The following BNC2 variants were observed in gnomAD, a reference collection of about 807,000 sequenced individuals.
BNC2 encodes the protein basonuclin zinc finger protein 2, also known as zinc finger protein basonuclin-2.
BNC2 carries 20 observed loss-of-function variants against 76.3 expected under a neutral mutation model. The ratio of observed to expected loss-of-function variants is 0.26; its 90% confidence interval spans 0.18 to 0.38. The LOEUF is 0.38. Among genes scored for constraint, BNC2 ranks in the 10% least tolerant of loss-of-function variants. The pLI is 1.00. For synonymous variants in BNC2, 582 were observed against 514.8 expected, an observed-to-expected ratio of 1.13 and a Z score of -1.77; for missense variants, 1,382 against 1,399.8, an observed-to-expected ratio of 0.99 and a Z score of 0.20.
chr9:16,456,292 T>C (rs1186498842), intron 5 of BNC2, among the ~76,000 whole-genome samples: 2 of 152,158 alleles, frequency 1.3e-5, no homozygotes, highest in Admixed American at 6.5e-5. Context: ...CAAATAGACA[T>C]TGCCTATAAA....
At chr9:16,811,189 C>CTCCA (rs1818040636) in intron 1 of BNC2, among the ~76,000 whole-genome samples, 1 of 137,270 alleles carries the variant, frequency 7.3e-6, no homozygotes, top group Admixed American at 8.0e-5. Context: ...TGCCACTGCA[C>CTCCA]TCCAGCCTGG....
rs57325819 is a variant in BNC2, at chr9:16,805,713, G to GCACACACACACACA, written c.3+64919_3+64932dup. ...ACTTACATGTATAATTTGCATACAT[G>GCACACACACACACA]CACACACACACACACACACACACGC... On this transcript the variant is annotated intron_variant, in intron 1 of 6. Transcript: ENST00000380672. Among the ~76,000 whole-genome samples, 30 of 149,218 alleles carry GCACACACACACACA rather than the reference G, an allele frequency of 2.0e-4. No homozygotes were observed. The East Asian group carries it at 5.8e-3, about 29-fold the overall frequency.
intron 3 of BNC2, among the ~76,000 whole-genome samples, chr9:16,649,925 A>T (rs1218529030): frequency 6.6e-6 from 1 of 152,174 alleles, no homozygotes; most frequent in Non-Finnish European, 1.5e-5. Context: ...AATCTTCTGT[A>T]ATCTTGCATT....
At chr9:16,790,816 G>GC (rs1230420227) in intron 1 of BNC2, among the ~76,000 whole-genome samples, 18 of 31,956 alleles carry the variant, frequency 5.6e-4, no homozygotes, top group African/African-American at 1.3e-3. Flanking sequence ...CCCTTGGTAA[G>GC]CTTTTTTTTT....
At chr9:16,630,409 T>C (rs759888749) in intron 3 of BNC2, among the ~76,000 whole-genome samples, 1 of 152,202 alleles carries the variant, frequency 6.6e-6, no homozygotes, top group Non-Finnish European at 1.5e-5. Context: ...GGAAAGATAG[T>C]TACAAAATGT....
intron 5 of BNC2, among the ~76,000 whole-genome samples, chr9:16,487,463 T>C (rs374804891): frequency 1.3e-5 from 2 of 152,318 alleles, no homozygotes; most frequent in African/African-American, 2.4e-5. Context: ...CTCATTTGTT[T>C]CTCTTTTATT....
chr9:16,868,113 A>G (rs1223117219), intron 1 of BNC2: 1 of 152,176 alleles, frequency 6.6e-6, no homozygotes, highest in Admixed American at 6.5e-5. Context: ...AAAAGACGAC[A>G]CAGCATTGAC....
chr9:16,461,168 C>T (rs745424499), intron 5 of BNC2, among the ~76,000 whole-genome samples: 9 of 152,244 alleles, frequency 5.9e-5, no homozygotes, highest in South Asian at 4.1e-4. Flanking sequence ...AATAAATTTT[C>T]GGAACATTTT....
intron 3 of BNC2, among the ~76,000 whole-genome samples, chr9:16,718,560 C>G (rs1420615546): frequency 6.6e-6 from 1 of 152,088 alleles, no homozygotes; most frequent in East Asian, 1.9e-4. Context: ...TCTATCCTAG[C>G]GCAATTCTAA....
intron 3 of BNC2, among the ~76,000 whole-genome samples, chr9:16,623,999 T>A (rs559893593): frequency 1.3e-5 from 2 of 152,336 alleles, no homozygotes; most frequent in Non-Finnish European, 2.9e-5. Context: ...TATTAAGTTT[T>A]AGCCTAGTCA....
intron 5 of BNC2, among the ~76,000 whole-genome samples, chr9:16,450,183 T>C (rs1490439582): frequency 1.3e-5 from 2 of 152,190 alleles, no homozygotes; most frequent in Non-Finnish European, 2.9e-5. Flanking sequence ...TTTAACAATG[T>C]TTACATCAGT....
intron 5 of BNC2, among the ~76,000 whole-genome samples, chr9:16,438,186 C>T (rs1201437061): frequency 6.6e-6 from 1 of 151,962 alleles, no homozygotes; most frequent in Admixed American, 6.6e-5. Context: ...AAAAACATCA[C>T]TCATAAAAGG....
intron 5 of BNC2, among the ~76,000 whole-genome samples, chr9:16,550,952 C>T (rs533461233): frequency 6.6e-6 from 1 of 152,226 alleles, no homozygotes; most frequent in South Asian, 2.1e-4. Flanking sequence ...GCACTGTATG[C>T]ATCTTGGGGC....
intron 3 of BNC2, among the ~76,000 whole-genome samples, chr9:16,669,523 C>T (rs1394023526): frequency 6.6e-6 from 1 of 152,164 alleles, no homozygotes; most frequent in Non-Finnish European, 1.5e-5. Context: ...CAGCAACTTC[C>T]AATTGGTTGA....
chr9:16,564,013 G>T (rs1040481948), intron 4 of BNC2, among the ~76,000 whole-genome samples: 1 of 149,684 alleles, frequency 6.7e-6, no homozygotes, highest in Non-Finnish European at 1.5e-5. Flanking sequence ...CATGCATGTT[G>T]AGTGATAAAA....
At chr9:16,494,515 G>A (rs1449069621) in intron 5 of BNC2, among the ~76,000 whole-genome samples, 2 of 152,044 alleles carry the variant, frequency 1.3e-5, no homozygotes, top group Non-Finnish European at 2.9e-5. Flanking sequence ...GTGTGGGTGA[G>A]GAAAGGCTGA....
intron 3 of BNC2, among the ~76,000 whole-genome samples, chr9:16,598,559 C>G (rs953492336): frequency 6.6e-6 from 1 of 152,144 alleles, no homozygotes; most frequent in South Asian, 2.1e-4. Flanking sequence ...CTCACCACTA[C>G]GGGGAAGAGA....
At chr9:16,521,820 A>G (rs922686604) in intron 5 of BNC2, among the ~76,000 whole-genome samples, 1 of 152,184 alleles carries the variant, frequency 6.6e-6, no homozygotes, top group African/African-American at 2.4e-5. Flanking sequence ...TTTTTAAGCC[A>G]CAGCAAGAAA....
chr9:16,665,474 GAAAGAAAGAA>G (rs1563888029), intron 3 of BNC2, among the ~76,000 whole-genome samples: 36 of 140,938 alleles, frequency 2.6e-4, no homozygotes, highest in African/African-American at 9.3e-4. Context: ...AAGAAAGAAA[GAAAGAAAGAA>G]AGAAAGAGAG....
Sources: allele counts gnomAD v4.1 joint callset (sites outside exome capture counted in the v4.1 genomes callset), GRCh38; gene constraint gnomAD v4.1.1; transcripts MANE v1.5; gene names NCBI Gene and HGNC (gene_info 2026-07-23, HGNC 2026-07-21).